Variants in SYT1 observed in about 807,000 individuals in gnomAD.
SYT1 encodes the protein synaptotagmin-1.
In SYT1, 8 loss-of-function variants were observed where a neutral mutation model predicts 44.8. The observed-to-expected ratio is 0.18, with a 90% CI of 0.10 to 0.32. SYT1 has a LOEUF of 0.32. SYT1 is among the 10% of genes least tolerant of loss of function. SYT1 has a pLI of 1.00. For missense variants in SYT1, 286 were observed against 509.3 expected, an observed-to-expected ratio of 0.56 and a Z score of 4.22; for synonymous variants, 154 against 188.8, an observed-to-expected ratio of 0.82 and a Z score of 1.51.
intron 3 of SYT1, among the ~76,000 whole-genome samples, chr12:79,138,147 T>A (rs1406785916): frequency 6.6e-6 from 1 of 152,156 alleles, no homozygotes; most frequent in Non-Finnish European, 1.5e-5. Flanking sequence ...GAAAAATACT[T>A]TACCTCTGAA....
At chr12:79,186,764 A>G (rs780338402) in intron 3 of SYT1, among the ~76,000 whole-genome samples, 5 of 152,052 alleles carry the variant, frequency 3.3e-5, no homozygotes, top group Non-Finnish European at 5.9e-5. Context: ...AGTAGTAGAC[A>G]ATGAAGGCCT....
Position 78,899,037 on chromosome 12 carries a change from A to T in SYT1, c.-217+33928A>T, listed in dbSNP as rs1438762198. On this transcript the variant is annotated intron_variant, in intron 1 of 10. Coordinates refer to ENST00000261205, the MANE Select transcript of SYT1 (RefSeq NM_005639.3). ...TGTCTACTATTTGCTCAACACTGGC[A>T]TGACTCTGTATTAACTTTATTATTG... is the stretch of plus-strand genomic sequence containing the variant. Among the ~76,000 whole-genome samples the T allele has an allele frequency of 2.6e-5, 4 of 152,168 alleles. No individual in the cohort carries two copies. The East Asian group carries it at 5.8e-4, about 22-fold the overall frequency.
chr12:79,130,036 T>C (rs1868706290), intron 3 of SYT1, among the ~76,000 whole-genome samples: 2 of 152,332 alleles, frequency 1.3e-5, no homozygotes, highest in Admixed American at 6.5e-5. Flanking sequence ...GAAACCTTTA[T>C]AAAAGCAAGT....
chr12:79,350,267 T>A (rs1245661908), intron 8 of SYT1, among the ~76,000 whole-genome samples: 1 of 147,692 alleles, frequency 6.8e-6, no homozygotes, highest in East Asian at 2.0e-4. Context: ...TTTTTTTTTT[T>A]TTTGAGACGG....
At chr12:78,881,884 GACTC>G (rs967495095) in intron 1 of SYT1, among the ~76,000 whole-genome samples, 4 of 151,636 alleles carry the variant, frequency 2.6e-5, no homozygotes, top group African/African-American at 9.7e-5. Flanking sequence ...TGCTAAACTT[GACTC>G]ATCCCTCAGG....
intron 1 of SYT1, among the ~76,000 whole-genome samples, chr12:78,865,335 C>T (rs1426433474): frequency 1.3e-5 from 2 of 152,110 alleles, no homozygotes; most frequent in Admixed American, 6.6e-5. Flanking sequence ...TGATGTTGGG[C>T]ATCCCCCATC....
At chr12:79,391,269 T>A (rs888380100) in intron 9 of SYT1, among the ~76,000 whole-genome samples, 1 of 152,206 alleles carries the variant, frequency 6.6e-6, no homozygotes, top group East Asian at 1.9e-4. Context: ...AGGGTGTATC[T>A]GAATATTAAA....
chr12:79,417,984 C>T (rs1307700116), intron 9 of SYT1, among the ~76,000 whole-genome samples: 1 of 152,106 alleles, frequency 6.6e-6, no homozygotes, highest in Admixed American at 6.6e-5. Context: ...AGCTGAAAAA[C>T]CTTACTCTAC....
chr12:79,272,978 G>A (rs1196174452), intron 4 of SYT1, among the ~76,000 whole-genome samples: 1 of 152,208 alleles, frequency 6.6e-6, no homozygotes, highest in Non-Finnish European at 1.5e-5. Flanking sequence ...AGAGTCTTGA[G>A]ACTGGTTGCA....
At chr12:79,010,048 G>A (rs1208359876) in intron 2 of SYT1, among the ~76,000 whole-genome samples, 2 of 152,020 alleles carry the variant, frequency 1.3e-5, no homozygotes, top group Non-Finnish European at 2.9e-5. Context: ...TTGTACTGGA[G>A]GTTTTATGGG....
chr12:79,297,681 A>G (rs1223040387), intron 7 of SYT1, among the ~76,000 whole-genome samples: 1 of 152,178 alleles, frequency 6.6e-6, no homozygotes, highest in African/African-American at 2.4e-5. Flanking sequence ...AATCCAAAGT[A>G]TAATATATTC....
intron 3 of SYT1, among the ~76,000 whole-genome samples, chr12:79,216,381 T>C (rs916083225): frequency 3.3e-5 from 5 of 152,346 alleles, no homozygotes; most frequent in African/African-American, 1.2e-4. Context: ...CCCCAAATCA[T>C]GCCCATTCTT....
intron 3 of SYT1, among the ~76,000 whole-genome samples, chr12:79,191,947 G>T (rs569633620): frequency 4.7e-4 from 72 of 152,152 alleles, no homozygotes; most frequent in African/African-American, 1.7e-3. Flanking sequence ...AATAAAAAAG[G>T]TTCCTTTAAG....
At chr12:79,339,201 G>C (rs1295037754) in intron 8 of SYT1, among the ~76,000 whole-genome samples, 1 of 152,152 alleles carries the variant, frequency 6.6e-6, no homozygotes, top group African/African-American at 2.4e-5. Flanking sequence ...GGATGGCTGG[G>C]TCAAATGGTA....
At chr12:79,309,983 G>C (rs1469793148) in intron 8 of SYT1, among the ~76,000 whole-genome samples, 2 of 152,062 alleles carry the variant, frequency 1.3e-5, no homozygotes, top group Admixed American at 1.3e-4. Flanking sequence ...TCACTCTGAT[G>C]GTAGTTTCTT....
At chr12:79,353,017 G>A (rs1489972062) in intron 8 of SYT1, among the ~76,000 whole-genome samples, 2 of 152,136 alleles carry the variant, frequency 1.3e-5, no homozygotes, top group Non-Finnish European at 2.9e-5. Flanking sequence ...AGAATTTAAT[G>A]ACACACAAAT....
chr12:78,998,574 A>G (rs1016615830), intron 2 of SYT1, among the ~76,000 whole-genome samples: 8 of 152,236 alleles, frequency 5.3e-5, no homozygotes, highest in African/African-American at 1.9e-4. Context: ...CAGTATCTAA[A>G]CAACGATATG....
At chr12:79,226,585 C>T (rs914666820) in intron 4 of SYT1, among the ~76,000 whole-genome samples, 2 of 152,140 alleles carry the variant, frequency 1.3e-5, no homozygotes, top group South Asian at 2.1e-4. Flanking sequence ...CTAGCACTCT[C>T]CTTGATTTAA....
In SYT1 at chr12:78,898,385, C is replaced by T. The variant is rs900325142; in HGVS notation, c.-217+33276C>T. 7.2e-5 allele frequency among the ~76,000 whole-genome samples: 11 copies of T among 152,176 alleles called. No homozygotes were observed. The South Asian group carries it at 2.3e-3, about 32-fold the overall frequency. ...GGGGAAAAATTAAGAGTCAAAATAGCAAGTTGGTGCTTGAACATTTACTTT... is the reference window on the plus strand; with the variant it reads ...GGGGAAAAATTAAGAGTCAAAATAGTAAGTTGGTGCTTGAACATTTACTTT... On this transcript the variant is annotated intron_variant, in intron 1 of 10. Transcript: ENST00000261205.
Sources: gnomAD v4.1 joint callset for allele counts (sites outside exome capture counted in the v4.1 genomes callset) on GRCh38, gnomAD v4.1.1 for gene constraint, MANE v1.5 for transcripts, NCBI Gene and HGNC (gene_info 2026-07-23, HGNC 2026-07-21) for gene names.